The following ASXL3 variants were observed in gnomAD, a reference collection of about 807,000 sequenced individuals.
The protein encoded by ASXL3 is putative Polycomb group protein ASXL3.
ASXL3 carries 34 observed loss-of-function variants against 170.6 expected under a neutral mutation model. The ratio of observed to expected loss-of-function variants is 0.20; its 90% CI spans 0.15 to 0.27. The LOEUF is 0.27. ASXL3 is among the 10% of genes least tolerant of loss of function. ASXL3 has a pLI of 1.00. For synonymous variants in ASXL3, 1,002 were observed against 989.1 expected, an observed-to-expected ratio of 1.01 and a Z score of -0.24; for missense variants, 2,592 against 2,695.3, an observed-to-expected ratio of 0.96 and a Z score of 0.85.
chr18:33,640,582 TAC>T (rs2065831023), intron 2 of ASXL3, among the ~76,000 whole-genome samples: 2 of 152,094 alleles, frequency 1.3e-5, no homozygotes, highest in Admixed American at 6.6e-5. Flanking sequence ...GTGAAGTATA[TAC>T]AGAGTTTAGT....
intron 1 of ASXL3, among the ~76,000 whole-genome samples, chr18:33,582,328 A>G (rs143620710): frequency 8.3e-4 from 127 of 152,288 alleles, no homozygotes; most frequent in African/African-American, 2.6e-3. Flanking sequence ...TGGGGATTTG[A>G]CAGGACTTTG....
chr18:33,620,291 A>T (rs1361486492), intron 2 of ASXL3, among the ~76,000 whole-genome samples: 1 of 152,158 alleles, frequency 6.6e-6, no homozygotes, highest in Non-Finnish European at 1.5e-5. Context: ...ATTGAAGATG[A>T]CCTGATGGTA....
intron 4 of ASXL3, among the ~76,000 whole-genome samples, chr18:33,648,825 A>G (rs993633344): frequency 5.9e-5 from 9 of 152,106 alleles, no homozygotes; most frequent in Admixed American, 3.9e-4. Context: ...CCATATGAAG[A>G]AAGTATTTTG....
At chr18:33,620,624 A>G (rs1251019049) in intron 2 of ASXL3, among the ~76,000 whole-genome samples, 1 of 152,188 alleles carries the variant, frequency 6.6e-6, no homozygotes, top group African/African-American at 2.4e-5. Context: ...TTGTATTACT[A>G]AAAGTCATCC....
At chr18:33,583,435 A>G (rs890405334) in intron 1 of ASXL3, among the ~76,000 whole-genome samples, 23 of 152,212 alleles carry the variant, frequency 1.5e-4, no homozygotes, top group African/African-American at 5.1e-4. Context: ...TGCACATAGC[A>G]TCATTTCTTT....
At chr18:33,726,147 GC>G (rs2067346618) in intron 8 of ASXL3, among the ~76,000 whole-genome samples, 1 of 152,074 alleles carries the variant, frequency 6.6e-6, no homozygotes, top group Non-Finnish European at 1.5e-5. Context: ...AAACTAATTA[GC>G]AGTTTTCTAC....
chr18:33,695,311 A>G (rs934809831), intron 8 of ASXL3, among the ~76,000 whole-genome samples: 5 of 152,110 alleles, frequency 3.3e-5, no homozygotes, highest in Non-Finnish European at 7.4e-5. Context: ...AAGCGTATCT[A>G]AAAGTACTTA....
intron 2 of ASXL3, among the ~76,000 whole-genome samples, 178 bp from the exon 3 acceptor site, chr18:33,644,716 T>G (rs2065894114): frequency 6.6e-6 from 1 of 151,930 alleles, no homozygotes; most frequent in African/African-American, 2.4e-5. Flanking sequence ...GACTAGCCCT[T>G]TATTGTAATG....
chr18:33,745,226 A>G lies in ASXL3; in HGVS notation c.5378A>G (p.Glu1793Gly). 4.3e-6 allele frequency: 7 copies of G among 1,614,020 alleles called. No homozygotes were observed. Among genetic ancestry groups the G allele is most frequent in the Non-Finnish European group, 5.9e-6 (7 of 1,179,882 alleles). The change falls in exon 12 of 12, where the codon GAG becomes GGG. Residue 1793 changes from glutamate (E) to glycine (G), a missense_variant. Around this residue, in one of 4 missense-constraint regions of ASXL3, gnomAD observed 2,246 missense variants for 2,219.6 expected, o/e 1.01. Coordinates refer to ENST00000269197, the MANE Select transcript of ASXL3 (RefSeq NM_030632.3). ...ACCTCAGTGGGTAAAACAGCACCAG[A>G]GAGAAACGTTGAAATTCCGCCCAGC... ...QTTSVGKTAP[E>G]RNVEIPPSSP...
chr18:33,621,055 A>G lies in ASXL3; in HGVS notation c.137+13379A>G, dbSNP rs201328925. 7.9e-5 allele frequency among the ~76,000 whole-genome samples: 12 copies of G among 152,290 alleles called. No individual in the cohort carries two copies. The East Asian group carries it at 2.1e-3, about 27-fold the overall frequency. On this transcript the variant is annotated intron_variant, in intron 2 of 11. Coordinates refer to ENST00000269197, the MANE Select transcript of ASXL3 (RefSeq NM_030632.3). ...CTTCCTCTTCAAAACAGATCATTCA[A>G]AACAGCCCCTACCACATTAGGATGC...
Position 33,746,690 on chromosome 18 carries a change from C to G in ASXL3, c.*95C>G, listed in dbSNP as rs778839342. The G allele has an allele frequency of 6.8e-7, 1 of 1,471,332 alleles. No individual in the cohort carries two copies. The highest frequency in any genetic ancestry group is 8.9e-7 in the Non-Finnish European group (1 of 1,117,702). 91.1% of individuals were successfully genotyped at this position (1,471,332 alleles called of 1,614,324 possible). ...GAATAATGCAGTGGTTTCTATCATG[C>G]TAATTTATTTTGCTTTGGAGCAGGT... On this transcript the variant is annotated 3_prime_UTR_variant, in exon 12 of 12. Coordinates refer to ENST00000269197, the MANE Select transcript of ASXL3 (RefSeq NM_030632.3).
rs1568364328 is a variant in ASXL3, at chr18:33,743,207, T to A, written c.3359T>A (p.Leu1120His). 5 of 1,613,986 alleles carry A rather than the reference T, an allele frequency of 3.1e-6. No individual in the cohort carries two copies. The highest frequency in any genetic ancestry group is 2.2e-5 in the East Asian group (1 of 44,884). Residue 1120 changes from leucine to histidine, a missense_variant, in exon 12 of 12, where the codon CTC becomes CAC. Physicochemically the swap from Leu to His is moderately conservative, Grantham distance 99. This residue lies in a region of ASXL3 where 2,246 missense variants were observed against 2,219.6 expected (regional missense o/e 1.01). Transcript: ENST00000269197. ...LFAKHQARAH[L>H]FQTSKETRLP... ...GCAAAGCATCAAGCTCGAGCCCATC[T>A]CTTCCAGACCTCTAAAGAGACCCGG...
At chr18:33,615,976 A>C (rs998264857) in intron 2 of ASXL3, among the ~76,000 whole-genome samples, 1 of 152,140 alleles carries the variant, frequency 6.6e-6, no homozygotes, top group Non-Finnish European at 1.5e-5. Context: ...ATTAGTTTTG[A>C]GTTAAATGGT....
intron 2 of ASXL3, among the ~76,000 whole-genome samples, chr18:33,632,639 A>C (rs1420722661): frequency 6.6e-6 from 1 of 152,214 alleles, no homozygotes; most frequent in Non-Finnish European, 1.5e-5. Context: ...AAAAAGCAAC[A>C]AGAAAAAACC....
In ASXL3 at chr18:33,683,493, T is replaced by G. The variant is rs1237203324; in HGVS notation, c.804T>G (p.Asn268Lys). The change falls in exon 8 of 12, where the codon AAT (asparagine) becomes AAG (lysine). Residue 268 changes from asparagine (N) to lysine (K), a missense_variant. By Grantham distance (94) the Asn-to-Lys change is moderately conservative. Transcript: ENST00000269197. ...ACACTAACTTGAGGGCATTAATAAA[T>G]AAACATACGTTTGCTTCCTTACCTC... is the stretch of plus-strand genomic sequence containing the variant. ...LVNTNLRALI[N>K]KHTFASLPQH... is the part of the protein sequence containing the mutation. 6.2e-7 allele frequency: 1 copy of G among 1,613,532 alleles called. No individual in the cohort carries two copies. The highest frequency in any genetic ancestry group is 8.5e-7 in the Non-Finnish European group (1 of 1,179,732).
intron 1 of ASXL3, among the ~76,000 whole-genome samples, chr18:33,582,319 G>C (rs1167978859): frequency 6.6e-6 from 1 of 152,128 alleles, no homozygotes; most frequent in Admixed American, 6.5e-5. Context: ...TGTAAAAAAT[G>C]GGGATTTGAC....
At chr18:33,611,323 AT>A (rs1179032364) in intron 2 of ASXL3, among the ~76,000 whole-genome samples, 9 of 152,108 alleles carry the variant, frequency 5.9e-5, no homozygotes, top group Non-Finnish European at 1.2e-4. Context: ...TTGAAAAAAA[AT>A]AATAGAATGA....
At chr18:33,668,923 A>G (rs1290086786) in intron 5 of ASXL3, among the ~76,000 whole-genome samples, 1 of 151,884 alleles carries the variant, frequency 6.6e-6, no homozygotes, top group Non-Finnish European at 1.5e-5. Flanking sequence ...ACACACACAA[A>G]CTATTTTTAA....
At chr18:33,637,034 C>T (rs544921371) in intron 2 of ASXL3, among the ~76,000 whole-genome samples, 95 of 152,232 alleles carry the variant, frequency 6.2e-4, no homozygotes, top group Admixed American at 2.0e-3. Context: ...ATGCTATTTA[C>T]ACTTCCTGGA....
Sources: gnomAD v4.1 joint callset for allele counts (sites outside exome capture counted in the v4.1 genomes callset) on GRCh38, gnomAD v4.1.1 for gene constraint, gnomAD v4.1.1 regional missense constraint, MANE v1.5 for transcripts, NCBI Gene and HGNC (gene_info 2026-07-23, HGNC 2026-07-21) for gene names.